PIGL: variants seen among roughly 807,000 people sequenced by gnomAD.
The protein encoded by PIGL is N-acetylglucosaminyl-phosphatidylinositol de-N-acetylase.
In PIGL, 22 loss-of-function variants were observed where a neutral mutation model predicts 31.1. The observed-to-expected ratio is 0.71, with a 90% CI of 0.51 to 1.01. PIGL has a LOEUF of 1.01. Among genes scored for constraint, PIGL ranks in the 50% least tolerant of loss-of-function variants. The pLI is 0.00. For missense variants in PIGL, 302 were observed against 315.9 expected, an observed-to-expected ratio of 0.96 and a Z score of 0.33; for synonymous variants, 131 against 117.4, an observed-to-expected ratio of 1.12 and a Z score of -0.75.
At chr17:16,252,318 C>T (rs933889674) in intron 2 of PIGL, among the ~76,000 whole-genome samples, 4 of 151,916 alleles carry the variant, frequency 2.6e-5, no homozygotes, top group Admixed American at 1.3e-4. Flanking sequence ...GTGGTCCACC[C>T]GCCTTGGCCT....
chr17:16,220,487 T>TA (rs1568772840), intron 1 of PIGL, among the ~76,000 whole-genome samples: 1 of 128,986 alleles, frequency 7.8e-6, no homozygotes. Flanking sequence ...GTTATTTTTT[T>TA]TTTTTTTTTT....
intron 3 of PIGL, among the ~76,000 whole-genome samples, chr17:16,311,467 C>A (rs372285253): frequency 5.3e-5 from 1 of 18,976 alleles, no homozygotes; most frequent in Non-Finnish European, 8.4e-5. Flanking sequence ...GGTTTTCTTT[C>A]TTTTTTTTTT....
intron 1 of PIGL, 122 bp downstream of exon 1, chr17:16,217,583 C>A (rs976967410): frequency 7.7e-6 from 6 of 779,900 alleles, no homozygotes; most frequent in Non-Finnish European, 1.3e-5. Context: ...CACCGAAGGT[C>A]TTACCTCTGA....
chr17:16,309,441 C>T (rs1040474141), intron 3 of PIGL, among the ~76,000 whole-genome samples: 1 of 152,216 alleles, frequency 6.6e-6, no homozygotes, highest in East Asian at 1.9e-4. Flanking sequence ...TTGATGAGCA[C>T]AAAACAGTAA....
At chr17:16,265,923 TG>T (rs1413005833) in intron 2 of PIGL, among the ~76,000 whole-genome samples, 1 of 152,010 alleles carries the variant, frequency 6.6e-6, no homozygotes, top group Non-Finnish European at 1.5e-5. Flanking sequence ...ATCCCATCCC[TG>T]GGCAGCTTCT....
chr17:16,233,910 A>G (rs1247548116), intron 1 of PIGL, 61 bp from the exon 2 acceptor site: 13 of 817,858 alleles, frequency 1.6e-5, no homozygotes, highest in South Asian at 1.0e-4. Context: ...AGAATGAGTG[A>G]ATAGATAGGT....
intron 2 of PIGL, among the ~76,000 whole-genome samples, chr17:16,299,109 G>C (rs1166794144): frequency 6.6e-6 from 1 of 152,140 alleles, no homozygotes; most frequent in South Asian, 2.1e-4. Context: ...TCAGGAGACT[G>C]AGGTGGGAGA....
chr17:16,224,393 G>A (rs1461024542), intron 1 of PIGL, among the ~76,000 whole-genome samples: 1 of 151,620 alleles, frequency 6.6e-6, no homozygotes, highest in Non-Finnish European at 1.5e-5. Flanking sequence ...TGTAGCCTCC[G>A]CCTCCTGGAT....
chr17:16,299,115 G>A (rs184789644), intron 2 of PIGL, among the ~76,000 whole-genome samples: 214 of 152,218 alleles, frequency 1.4e-3, no homozygotes, highest in Non-Finnish European at 2.3e-3. Context: ...GACTGAGGTG[G>A]GAGAATTGCT....
chr17:16,276,413 G>GA (rs1001339637), intron 2 of PIGL, among the ~76,000 whole-genome samples: 1 of 151,996 alleles, frequency 6.6e-6, no homozygotes, highest in Non-Finnish European at 1.5e-5. Flanking sequence ...TTAAATTGCA[G>GA]AAAAAAAACT....
At chr17:16,228,256 C>T (rs1874254637) in intron 1 of PIGL, among the ~76,000 whole-genome samples, 1 of 151,546 alleles carries the variant, frequency 6.6e-6, no homozygotes, top group South Asian at 2.1e-4. Context: ...TGGAGTTTCA[C>T]CATGTTGGCC....
intron 5 of PIGL, chr17:16,317,091 T>G: frequency 1.9e-6 from 2 of 1,062,742 alleles, no homozygotes; most frequent in Non-Finnish European, 2.3e-6. Flanking sequence ...TTAGGAACTC[T>G]TCCTAACCCA....
intron 3 of PIGL, among the ~76,000 whole-genome samples, chr17:16,308,091 T>C (rs566879381): frequency 2.0e-5 from 3 of 152,122 alleles, no homozygotes; most frequent in African/African-American, 7.2e-5. Flanking sequence ...TCCCAGCACT[T>C]TGGGAGGCTG....
chr17:16,300,182 A>C, intron 3 of PIGL: 1 of 545,086 alleles, frequency 1.8e-6, no homozygotes, highest in East Asian at 3.0e-5. Context: ...ATCTTGTGTG[A>C]GACTGAATAA....
chr17:16,244,364 G>T (rs535714665), intron 2 of PIGL, among the ~76,000 whole-genome samples: 1 of 152,322 alleles, frequency 6.6e-6, no homozygotes, highest in East Asian at 1.9e-4. Flanking sequence ...TTGGAGGTTA[G>T]AAGCAAGATG....
chr17:16,309,664 G>T (rs1373123169), intron 3 of PIGL, among the ~76,000 whole-genome samples: 1 of 152,026 alleles, frequency 6.6e-6, no homozygotes, highest in Non-Finnish European at 1.5e-5. Context: ...GGAAGGCGGA[G>T]GCAGGAGAAT....
Position 16,232,963 on chromosome 17 carries a change from C to T in PIGL, c.236-1008C>T, listed in dbSNP as rs113370330. ...TGAAACCCCATCTCAAATAAAAATACAAAAATTAGCCCGGTGTGGTGGCGG... is the reference window on the plus strand; with the variant it reads ...TGAAACCCCATCTCAAATAAAAATATAAAAATTAGCCCGGTGTGGTGGCGG... On this transcript the variant is annotated intron_variant, in intron 1 of 6. Coordinates refer to ENST00000225609, the MANE Select transcript of PIGL (RefSeq NM_004278.4). 6.0e-4 allele frequency among the ~76,000 whole-genome samples: 92 copies of T among 152,072 alleles called. 1 individual carries two copies. Among genetic ancestry groups the T allele is most frequent in the African/African-American group, 2.1e-3 (89 of 41,514 alleles).
chr17:16,250,643 A>C (rs1232435948), intron 2 of PIGL, among the ~76,000 whole-genome samples: 3 of 152,240 alleles, frequency 2.0e-5, no homozygotes, highest in Non-Finnish European at 4.4e-5. Flanking sequence ...AGAGAAAGAG[A>C]AGTTTTATAG....
At chr17:16,272,006 A>G (rs1006309740) in intron 2 of PIGL, among the ~76,000 whole-genome samples, 3 of 152,184 alleles carry the variant, frequency 2.0e-5, no homozygotes, top group African/African-American at 7.2e-5. Flanking sequence ...GATTATAAGT[A>G]TGAGCCTCCA....
Sources: allele counts gnomAD v4.1 joint callset (sites outside exome capture counted in the v4.1 genomes callset), GRCh38; gene constraint gnomAD v4.1.1; transcripts MANE v1.5; gene names NCBI Gene and HGNC (gene_info 2026-07-23, HGNC 2026-07-21).